The following VIL1 variants were observed in gnomAD, a reference collection of about 807,000 sequenced individuals.
VIL1 encodes the protein villin-1.
A neutral mutation model predicts 104.0 loss-of-function variants in VIL1; 86 were observed. That is an observed-to-expected ratio of 0.83 (90% CI 0.69 to 0.99). VIL1 has a LOEUF of 0.99. VIL1 is among the 50% of genes least tolerant of loss of function. The pLI is 0.00. For missense variants in VIL1, 944 were observed against 1,054.1 expected, an observed-to-expected ratio of 0.90 and a Z score of 1.45; for synonymous variants, 394 against 412.6, an observed-to-expected ratio of 0.95 and a Z score of 0.55.
chr2:218,420,337 G>C (rs1477265467), intron 1 of VIL1, among the ~76,000 whole-genome samples: 1 of 141,352 alleles, frequency 7.1e-6, no homozygotes, highest in Admixed American at 7.7e-5. Flanking sequence ...GCTGAGGCAC[G>C]AGAATCGCTT....
chr2:218,424,394 C>T (rs1237378363), intron 3 of VIL1, 43 bp downstream of exon 3: 1 of 1,595,840 alleles, frequency 6.3e-7, no homozygotes, highest in Non-Finnish European at 8.6e-7. Flanking sequence ...AGAGCAAAAC[C>T]CACTGTGGTG....
chr2:218,419,986 G>A (rs1688871930), intron 1 of VIL1, among the ~76,000 whole-genome samples: 1 of 152,192 alleles, frequency 6.6e-6, no homozygotes, highest in Admixed American at 6.5e-5. Context: ...GGAAGCAGGA[G>A]GATGTCCTTT....
chr2:218,436,828 A>G (rs1368103458), intron 16 of VIL1, among the ~76,000 whole-genome samples: 1 of 152,218 alleles, frequency 6.6e-6, no homozygotes, highest in Non-Finnish European at 1.5e-5. Context: ...GGAAGAACGT[A>G]TTCTCTCCCA....
chr2:218,421,970 G>A (rs531658582), intron 1 of VIL1, among the ~76,000 whole-genome samples: 2 of 152,140 alleles, frequency 1.3e-5, no homozygotes, highest in East Asian at 1.9e-4. Context: ...AAAGAGGGAC[G>A]GGGCCCGGCG....
At chr2:218,448,105 C>T (rs1250981318) in intron 19 of VIL1, among the ~76,000 whole-genome samples, 2 of 151,770 alleles carry the variant, frequency 1.3e-5, no homozygotes, top group Non-Finnish European at 2.9e-5. Context: ...ACAAAAAATA[C>T]AAAAATTAGC....
At chr2:218,427,365 T>C (rs527926354) in intron 4 of VIL1, among the ~76,000 whole-genome samples, 31 of 151,634 alleles carry the variant, frequency 2.0e-4, no homozygotes, top group Non-Finnish European at 3.8e-4. Flanking sequence ...ACTCTGTCGC[T>C]TAGGCTAGAG....
intron 13 of VIL1, among the ~76,000 whole-genome samples, chr2:218,433,917 C>G (rs1689141251): frequency 6.8e-6 from 1 of 147,500 alleles, no homozygotes. Context: ...AAAAAAAAGG[C>G]TAGGCGCTGT....
chr2:218,434,796 C>T, intron 14 of VIL1, 91 bp downstream of exon 14: 1 of 1,401,132 alleles, frequency 7.1e-7, no homozygotes, highest in Non-Finnish European at 9.7e-7. Context: ...GCAGGAACCC[C>T]TGGCCAACTA....
At chr2:218,440,916 G>C in intron 19 of VIL1, 54 bp downstream of exon 19, 1 of 1,601,994 alleles carries the variant, frequency 6.2e-7, no homozygotes, top group Non-Finnish European at 8.5e-7. Flanking sequence ...GACCACCATA[G>C]TTGACTCCCA....
intron 1 of VIL1, among the ~76,000 whole-genome samples, chr2:218,422,216 T>C (rs929345624): frequency 1.3e-5 from 2 of 152,072 alleles, no homozygotes; most frequent in African/African-American, 4.8e-5. Context: ...GATTGTGCCA[T>C]TGTACTTCAG....
At chr2:218,430,703 C>T (rs761345624) in intron 9 of VIL1, 22 bp from the exon 10 acceptor site, 4 of 1,560,676 alleles carry the variant, frequency 2.6e-6, no homozygotes, top group East Asian at 4.5e-5. Context: ...GCATAGCTTC[C>T]AGCCACCCCT....
At chr2:218,428,603 C>A (rs4674305) in intron 6 of VIL1, among the ~76,000 whole-genome samples, 2 of 152,008 alleles carry the variant, frequency 1.3e-5, no homozygotes, top group African/African-American at 4.8e-5. Context: ...CATGGACATA[C>A]GTGTGTTTAT....
chr2:218,440,500 C>T (rs1689268244), intron 18 of VIL1, among the ~76,000 whole-genome samples: 1 of 152,106 alleles, frequency 6.6e-6, no homozygotes, highest in South Asian at 2.1e-4. Flanking sequence ...GAACTCCTGA[C>T]CTCAAGTGAT....
chr2:218,435,892 G>A (rs1004781806), intron 15 of VIL1, among the ~76,000 whole-genome samples: 1 of 152,172 alleles, frequency 6.6e-6, no homozygotes, highest in Non-Finnish European at 1.5e-5. Flanking sequence ...GAATGCAGTG[G>A]TGCAATCTCA....
intron 19 of VIL1, among the ~76,000 whole-genome samples, chr2:218,443,858 T>C (rs1461269663): frequency 6.6e-6 from 1 of 152,108 alleles, no homozygotes; most frequent in Non-Finnish European, 1.5e-5. Context: ...TTTCACCATA[T>C]TGGCCAGGCT....
chr2:218,441,501 C>A (rs1689284073), intron 19 of VIL1, among the ~76,000 whole-genome samples: 1 of 152,074 alleles, frequency 6.6e-6, no homozygotes, highest in Non-Finnish European at 1.5e-5. Flanking sequence ...GAAGGGACAG[C>A]TAACATGAAG....
chr2:218,426,418 C>A (rs1689003693), intron 4 of VIL1, among the ~76,000 whole-genome samples: 1 of 151,930 alleles, frequency 6.6e-6, no homozygotes, highest in Non-Finnish European at 1.5e-5. Flanking sequence ...CCAGGCCTGG[C>A]TAATTTTTGT....
intron 18 of VIL1, among the ~76,000 whole-genome samples, 200 bp downstream of exon 18, chr2:218,438,926 ATTT>A (rs34676834): frequency 2.4e-3 from 257 of 107,622 alleles, no homozygotes; most frequent in African/African-American, 8.8e-3. Context: ...ATGGTTCTCA[ATTT>A]TTTTTTTTTT....
chr2:218,428,449 C>A, intron 6 of VIL1, 112 bp downstream of exon 6: 1 of 918,970 alleles, frequency 1.1e-6, no homozygotes, highest in Non-Finnish European at 1.7e-6. Flanking sequence ...TTGAAGGTGG[C>A]TCAGTCTCCA....
Sources: allele counts gnomAD v4.1 joint callset (sites outside exome capture counted in the v4.1 genomes callset), GRCh38; gene constraint gnomAD v4.1.1; transcripts MANE v1.5; gene names NCBI Gene and HGNC (gene_info 2026-07-23, HGNC 2026-07-21).